Variants in C21orf58 observed in about 807,000 individuals in gnomAD.
C21orf58 encodes chromosome 21 open reading frame 58.
In C21orf58, 34 loss-of-function variants were observed where a neutral mutation model predicts 35.8. That is an observed-to-expected ratio of 0.95 (90% CI 0.72 to 1.26). The LOEUF is 1.26. Ranked by LOEUF, C21orf58 falls within the 50% of genes most tolerant of loss-of-function variation. The pLI is 0.00. For missense variants in C21orf58, 440 were observed against 414.3 expected (o/e 1.06, Z -0.54); for synonymous variants, 191 against 175.8 (o/e 1.09, Z -0.68).
intron 1 of C21orf58, chr21:46,318,662 T>C: frequency 9.4e-7 from 1 of 1,065,606 alleles, no homozygotes; most frequent in South Asian, 3.0e-5. Flanking sequence ...GTGAGGAGAC[T>C]GCCTACCAAG....
intron 2 of C21orf58, 124 bp downstream of exon 2, chr21:46,317,888 T>G (rs908117126): frequency 1.9e-6 from 2 of 1,067,790 alleles, no homozygotes; most frequent in Admixed American, 5.1e-5. Flanking sequence ...TCCGCTGGGC[T>G]GCCAGCCCCA....
rs1342763375 is a variant in C21orf58, at chr21:46,318,756, A to C, written c.101-536T>G. 3 of 993,654 alleles carry C rather than the reference A, an allele frequency of 3.0e-6. No homozygotes were observed. In the African/African-American group the frequency reaches 5.2e-5, roughly 17 times the overall value. 61.6% of individuals were successfully genotyped at this position (993,654 alleles called of 1,614,324 possible). On this transcript the variant is annotated intron_variant, in intron 1 of 7. Transcript: ENST00000291691. ...AGAGGGGCTGGGCTTTAGCAGGACC[A>C]GAGGGGGTGCCCAGGGGATATGTCC...
At chr21:46,321,101 T>G (rs1222311168) in intron 1 of C21orf58, among the ~76,000 whole-genome samples, 1 of 152,128 alleles carries the variant, frequency 6.6e-6, no homozygotes, top group Non-Finnish European at 1.5e-5. Context: ...TACATGGAGA[T>G]CCCACATACC....
chr21:46,303,232 AG>A (rs2082207343), intron 6 of C21orf58, among the ~76,000 whole-genome samples: 1 of 151,874 alleles, frequency 6.6e-6, no homozygotes, highest in African/African-American at 2.4e-5. Context: ...CCAGCTACTC[AG>A]GAGGCTGAGG....
At chr21:46,310,487 A>G (rs1004397005) in intron 6 of C21orf58, among the ~76,000 whole-genome samples, 19 of 148,352 alleles carry the variant, frequency 1.3e-4, no homozygotes, top group African/African-American at 4.6e-4. Context: ...CAGAACAAAA[A>G]AAATAAAAAT....
At chr21:46,302,290 T>G (rs1342927083) in intron 7 of C21orf58, 136 bp from the exon 8 acceptor site, 1 of 1,386,302 alleles carries the variant, frequency 7.2e-7, no homozygotes, top group African/African-American at 1.5e-5. Flanking sequence ...CAGAGGAGGC[T>G]CCTCCCCCGC....
In C21orf58 at chr21:46,311,423, C is replaced by T. The variant is rs143921909; in HGVS notation, c.721+33G>A. On this transcript the variant is annotated intron_variant, in intron 6 of 7. Coordinates refer to ENST00000291691, the MANE Select transcript of C21orf58 (RefSeq NM_058180.5). Reference sequence around the variant, plus strand: ...TTTCCCTTTCAGTAGATAATTTCCTCAACCCACAACAATATGAATATGGAA... The same window carrying T: ...TTTCCCTTTCAGTAGATAATTTCCTTAACCCACAACAATATGAATATGGAA... The T allele has an allele frequency of 5.0e-4, 650 of 1,307,076 alleles. 4 individuals carry two copies. The East Asian group carries it at 0.015, about 29-fold the overall frequency. 81.0% of individuals were successfully genotyped at this position (1,307,076 alleles called of 1,614,324 possible). A position where few individuals can be genotyped will look rare whatever the true frequency, so the allele number is the denominator to read the frequency against.
chr21:46,322,629 C>A lies in C21orf58; in HGVS notation c.100+10G>T. The A allele has an allele frequency of 6.6e-7, 1 of 1,524,300 alleles. No homozygotes were observed. The highest frequency in any genetic ancestry group is 8.8e-7 in the Non-Finnish European group (1 of 1,132,796). 94.4% of individuals were successfully genotyped at this position (1,524,300 alleles called of 1,614,324 possible). Reference sequence around the variant, plus strand: ...CTGGGAACCAGGAGACCGCTGGACACCCCGCTCACCACACAGAAGACTGTG... The same window carrying A: ...CTGGGAACCAGGAGACCGCTGGACAACCCGCTCACCACACAGAAGACTGTG... On this transcript the variant is annotated intron_variant, in intron 1 of 7. Transcript: ENST00000291691.
intron 6 of C21orf58, among the ~76,000 whole-genome samples, chr21:46,304,393 G>A (rs192170359): frequency 1.3e-3 from 197 of 151,920 alleles, no homozygotes; most frequent in Non-Finnish European, 2.3e-3. Context: ...AGGCTGAGGT[G>A]GGAGGAGTGC....
chr21:46,322,503 C>A, intron 1 of C21orf58, 136 bp downstream of exon 1: 2 of 1,281,838 alleles, frequency 1.6e-6, no homozygotes, highest in Non-Finnish European at 2.0e-6. Context: ...AAAGTGTGAT[C>A]CTGTGGGTGC....
rs1161963818 is a variant in C21orf58, at chr21:46,313,070, G to C, written c.610-1503C>G. The C allele has an allele frequency of 1.2e-5, 12 of 985,408 alleles. No homozygotes were observed. The Admixed American group carries it at 6.1e-4, about 50-fold the overall frequency. The allele number at this position is 985,408 out of a possible 1,614,324, so 61.0% of individuals were successfully genotyped here. On this transcript the variant is annotated intron_variant, in intron 5 of 7. Transcript: ENST00000291691. ...ACAGAAAGGACGGCAGAGACCAAGA[G>C]TTGGCAAACTTTTGCCAAGAGCTAC...
At chr21:46,317,921 A>G in intron 2 of C21orf58, 91 bp downstream of exon 2, 1 of 1,427,268 alleles carries the variant, frequency 7.0e-7, no homozygotes, top group South Asian at 1.3e-5. Context: ...GGGGCCCTGC[A>G]TTCTGCACCT....
chr21:46,307,916 G>A lies in C21orf58; in HGVS notation c.721+3540C>T, dbSNP rs111941618. On this transcript the variant is annotated intron_variant, in intron 6 of 7. Transcript: ENST00000291691. ...ACTGACCATACCACATGTTGCCAAG[G>A]TTGTAAATAACTAGAACTCACAAAC... Among the ~76,000 whole-genome samples, 66 of 152,280 alleles carry A rather than the reference G, an allele frequency of 4.3e-4. 2 individuals are homozygous for A. The highest frequency in any genetic ancestry group is 1.2e-3 in the African/African-American group (48 of 41,548).
chr21:46,300,925 G>C (rs1395801613), downstream of C21orf58: 1 of 831,142 alleles, frequency 1.2e-6, no homozygotes, highest in East Asian at 6.3e-5. Context: ...AGTCAAGGTA[G>C]CCTGTCCACA....
chr21:46,301,109 A>G, downstream of C21orf58: 1 of 1,005,886 alleles, frequency 9.9e-7, no homozygotes, highest in Non-Finnish European at 1.2e-6. Context: ...TTAACTCAAA[A>G]GGGATCACGT....
Position 46,301,582 on chromosome 21 carries a change from C to G in C21orf58, c.*417G>C, listed in dbSNP as rs776608644. The G allele has an allele frequency of 1.4e-5, 14 of 998,924 alleles. No individual in the cohort carries two copies. Among genetic ancestry groups the G allele is most frequent in the Non-Finnish European group, 1.4e-5 (12 of 839,232 alleles). 61.9% of individuals were successfully genotyped at this position (998,924 alleles called of 1,614,324 possible). A position where few individuals can be genotyped will look rare whatever the true frequency, so the allele number is the denominator to read the frequency against. ...CTATTGATCTTTTCTGTTCTGGCTC[C>G]TGAGCTGAGATTTTCTTAAACTCTT... On this transcript the variant is annotated 3_prime_UTR_variant, in exon 8 of 8. Coordinates refer to ENST00000291691, the MANE Select transcript of C21orf58 (RefSeq NM_058180.5).
chr21:46,313,108 T>A (rs1362113101), intron 5 of C21orf58: 24 of 967,170 alleles, frequency 2.5e-5, no homozygotes, highest in Non-Finnish European at 2.8e-5. Flanking sequence ...CGTAAACAGC[T>A]TCCAAAGCAG....
chr21:46,309,430 C>G (rs901135983), intron 6 of C21orf58, among the ~76,000 whole-genome samples: 1 of 145,120 alleles, frequency 6.9e-6, no homozygotes, highest in African/African-American at 2.6e-5. Context: ...CCACTTCACT[C>G]AAGCCTGGGC....
At chr21:46,306,892 CTTA>C (rs893163922) in intron 6 of C21orf58, among the ~76,000 whole-genome samples, 9 of 144,776 alleles carry the variant, frequency 6.2e-5, no homozygotes, top group African/African-American at 2.3e-4. Flanking sequence ...CCGGCCTCCC[CTTA>C]TTTTTATTTA....
Sources: gnomAD v4.1 joint callset for allele counts (sites outside exome capture counted in the v4.1 genomes callset) on GRCh38, gnomAD v4.1.1 for gene constraint, MANE v1.5 for transcripts, NCBI Gene and HGNC (gene_info 2026-07-23, HGNC 2026-07-21) for gene names.